The following TMEM39B variants were observed in gnomAD, a reference collection of about 807,000 sequenced individuals.
TMEM39B encodes transmembrane protein 39B.
In TMEM39B, 23 loss-of-function variants were observed where a neutral mutation model predicts 52.2. That is an observed-to-expected ratio of 0.44 (90% CI 0.32 to 0.62). The LOEUF (loss-of-function observed/expected upper bound fraction) is 0.62, where lower values mean the gene tolerates loss of function less well. Ranked by LOEUF, TMEM39B falls within the 20% of genes least tolerant of loss-of-function variation. TMEM39B has a pLI of 0.06. For missense variants in TMEM39B, 547 were observed against 642.0 expected, an observed-to-expected ratio of 0.85 and a Z score of 1.60; for synonymous variants, 285 against 264.0, an observed-to-expected ratio of 1.08 and a Z score of -0.77.
chr1:32,096,451 C>CA (rs1640810121), intron 7 of TMEM39B, among the ~76,000 whole-genome samples: 1 of 105,028 alleles, frequency 9.5e-6, no homozygotes. Context: ...CTCCTCTGGC[C>CA]TTTTTTTTTT....
intron 7 of TMEM39B, among the ~76,000 whole-genome samples, chr1:32,098,693 A>G (rs186231978): frequency 6.6e-6 from 1 of 152,244 alleles, no homozygotes; most frequent in East Asian, 1.9e-4. Context: ...AGATAGAGAT[A>G]GCGCCACTGC....
At chr1:32,078,893 G>T (rs113852798) in intron 5 of TMEM39B, among the ~76,000 whole-genome samples, 2,431 of 151,880 alleles carry the variant, frequency 0.016, 54 homozygotes, top group African/African-American at 0.055. Flanking sequence ...TGCCCACCTT[G>T]TCCTCCCAAA....
intron 5 of TMEM39B, among the ~76,000 whole-genome samples, chr1:32,083,810 A>G (rs374589524): frequency 3.3e-5 from 5 of 152,038 alleles, no homozygotes; most frequent in East Asian, 1.9e-4. Flanking sequence ...CAGTGGTGCA[A>G]TCTCAGTTTA....
chr1:32,102,319 T>G, intron 8 of TMEM39B, 112 bp from the exon 9 acceptor site: 1 of 1,451,468 alleles, frequency 6.9e-7, no homozygotes, highest in Non-Finnish European at 9.3e-7. Context: ...CCCACCCATG[T>G]CTGCATGGGG....
intron 5 of TMEM39B, among the ~76,000 whole-genome samples, chr1:32,090,931 C>T (rs1361738453): frequency 2.0e-5 from 3 of 151,944 alleles, no homozygotes; most frequent in African/African-American, 4.8e-5. Flanking sequence ...TGAGCCACTG[C>T]GCCTGGCCCA....
At chr1:32,081,392 C>T (rs1640095883) in intron 5 of TMEM39B, among the ~76,000 whole-genome samples, 1 of 151,930 alleles carries the variant, frequency 6.6e-6, no homozygotes, top group Non-Finnish European at 1.5e-5. Flanking sequence ...CCACTTCAGC[C>T]TTCTGAGTAG....
In TMEM39B at chr1:32,077,404, T is replaced by C. The variant is rs973523929; in HGVS notation, c.590+86T>C. ...CCGTAGCTGGCTCACCAGGCCTCCA[T>C]ATCTGGAAGATCGGAGGCAGGCAGC... On this transcript the variant is annotated intron_variant, in intron 5 of 8. Coordinates refer to ENST00000336294, the MANE Select transcript of TMEM39B (RefSeq NM_018056.4). 6 of 1,491,780 alleles carry C rather than the reference T, an allele frequency of 4.0e-6. No homozygotes were observed. In the African/African-American group the frequency reaches 6.9e-5, roughly 17 times the overall value. 92.4% of individuals were successfully genotyped at this position (1,491,780 alleles called of 1,614,324 possible).
At position 32,073,224 on chromosome 1, in the gene TMEM39B, T is replaced by C. The variant is rs188797902; in HGVS notation, c.4+173T>C. The stretch of plus-strand genomic sequence containing the variant: ...GTCGTTTTGCGGGGTGGGGCCTCTG[T>C]TGTGGGGGCGGGACATTGGACGGTG... On this transcript the variant is annotated intron_variant, in intron 1 of 8. Coordinates refer to ENST00000336294, the MANE Select transcript of TMEM39B (RefSeq NM_018056.4). The C allele has an allele frequency of 1.4e-5, 11 of 762,082 alleles. No homozygotes were observed. In the African/African-American group the frequency reaches 1.7e-4, roughly 11 times the overall value. 47.2% of individuals were successfully genotyped at this position (762,082 alleles called of 1,614,324 possible).
intron 1 of TMEM39B, chr1:32,073,805 CG>C (rs1283187328): frequency 1.0e-6 from 1 of 985,196 alleles, no homozygotes; most frequent in Non-Finnish European, 1.2e-6. Context: ...GTGTGGGAAA[CG>C]CTTCCGAGCT....
intron 5 of TMEM39B, among the ~76,000 whole-genome samples, chr1:32,090,609 G>C (rs1237279792): frequency 6.6e-6 from 1 of 151,980 alleles, no homozygotes; most frequent in East Asian, 1.9e-4. Context: ...CACCATACCT[G>C]CCTAATTTTT....
rs545629081 is a variant in TMEM39B at position 32,100,472 on chromosome 1, C to T, written c.1146C>T (p.Gly382=). ...CTGAAGAATGCATGTGGCCGCAGGG[C>T]GTGCTGGTGAAGCACAGCAAGAACG... ...PWTEECMWPQ[G]VLVKHSKNVY... The change falls in exon 8 of 9, where the codon GGC becomes GGT. Residue 382 remains glycine (G), a synonymous_variant. Transcript: ENST00000336294. 18 of 1,608,598 alleles carry T rather than the reference C, an allele frequency of 1.1e-5. No homozygotes were observed. In the South Asian group the frequency reaches 1.3e-4, roughly 12 times the overall value.
intron 7 of TMEM39B, among the ~76,000 whole-genome samples, chr1:32,098,651 T>C (rs1182259962): frequency 1.3e-5 from 2 of 151,996 alleles, no homozygotes; most frequent in Non-Finnish European, 2.9e-5. Flanking sequence ...GAGAATGGCA[T>C]GAACCTAGGA....
intron 6 of TMEM39B, among the ~76,000 whole-genome samples, chr1:32,094,560 T>C (rs1334161997): frequency 6.6e-6 from 1 of 152,226 alleles, no homozygotes; most frequent in Non-Finnish European, 1.5e-5. Context: ...GAGCCTGTTC[T>C]CTGGCTCAGA....
At chr1:32,096,258 T>C (rs941934265) in intron 7 of TMEM39B, among the ~76,000 whole-genome samples, 3 of 152,088 alleles carry the variant, frequency 2.0e-5, no homozygotes, top group Non-Finnish European at 4.4e-5. Context: ...AGGAACACTT[T>C]CCTGACCATC....
intron 7 of TMEM39B, 78 bp downstream of exon 7, chr1:32,095,049 A>G: frequency 2.7e-6 from 4 of 1,500,152 alleles, no homozygotes; most frequent in Non-Finnish European, 3.6e-6. Flanking sequence ...CTCGCTGATT[A>G]ACTTATTTAG....
At chr1:32,078,116 C>G (rs1441073767) in intron 5 of TMEM39B, among the ~76,000 whole-genome samples, 4 of 152,150 alleles carry the variant, frequency 2.6e-5, no homozygotes, top group South Asian at 2.1e-4. Context: ...CCCCTTTCTA[C>G]CCTGCATGTC....
intron 7 of TMEM39B, among the ~76,000 whole-genome samples, chr1:32,095,344 T>A (rs1255906934): frequency 2.0e-5 from 3 of 152,196 alleles, no homozygotes; most frequent in Non-Finnish European, 2.9e-5. Flanking sequence ...TTCCACCCAA[T>A]CCATACCAGG....
intron 5 of TMEM39B, among the ~76,000 whole-genome samples, chr1:32,089,792 C>G (rs1382258523): frequency 2.0e-5 from 3 of 151,582 alleles, no homozygotes; most frequent in African/African-American, 7.3e-5. Flanking sequence ...AATCCCAGCA[C>G]TTTGGGAGGC....
intron 3 of TMEM39B, 42 bp from the exon 4 acceptor site, chr1:32,076,721 G>T: frequency 6.2e-7 from 1 of 1,603,918 alleles, no homozygotes; most frequent in East Asian, 2.2e-5. Flanking sequence ...CTGCATATGG[G>T]CAAGGGGCCC....
Sources: allele counts gnomAD v4.1 joint callset (sites outside exome capture counted in the v4.1 genomes callset), GRCh38; gene constraint gnomAD v4.1.1; transcripts MANE v1.5; gene names NCBI Gene and HGNC (gene_info 2026-07-23, HGNC 2026-07-21).